The following PDE11A variants were observed in gnomAD, a reference collection of about 807,000 sequenced individuals.
PDE11A encodes the protein dual 3',5'-cyclic-AMP and -GMP phosphodiesterase 11A.
In PDE11A, 100 loss-of-function variants were observed where a neutral mutation model predicts 100.5. The ratio of observed to expected loss-of-function variants is 1.00; its 90% confidence interval spans 0.85 to 1.18. PDE11A has a LOEUF of 1.18. Among genes scored for constraint, PDE11A ranks in the 50% most tolerant of loss-of-function variants. PDE11A has a pLI of 0.00. For synonymous variants in PDE11A, 381 were observed against 420.8 expected (o/e 0.91, Z 1.16); for missense variants, 1,141 against 1,152.6 (o/e 0.99, Z 0.15).
At chr2:178,027,740 G>A (rs2086495671) in intron 1 of PDE11A, among the ~76,000 whole-genome samples, 1 of 152,028 alleles carries the variant, frequency 6.6e-6, no homozygotes, top group African/African-American at 2.4e-5. Context: ...AAAGAACAAA[G>A]AACAGAAGAC....
chr2:177,995,010 A>C (rs1388997533), intron 2 of PDE11A, among the ~76,000 whole-genome samples: 1 of 152,166 alleles, frequency 6.6e-6, no homozygotes, highest in East Asian at 1.9e-4. Context: ...GTAAGGGAAC[A>C]GTCAATTCAG....
intron 10 of PDE11A, among the ~76,000 whole-genome samples, chr2:177,743,922 G>A (rs1271132911): frequency 6.6e-6 from 1 of 152,172 alleles, no homozygotes; most frequent in Non-Finnish European, 1.5e-5. Flanking sequence ...TTGACTGGGT[G>A]AGATAACTTT....
chr2:178,045,205 C>T (rs531123440), intron 1 of PDE11A, among the ~76,000 whole-genome samples: 2 of 152,168 alleles, frequency 1.3e-5, no homozygotes, highest in Non-Finnish European at 2.9e-5. Context: ...AAGTATAAGA[C>T]CTGCATAGAG....
chr2:177,827,838 C>T (rs1458712436), intron 6 of PDE11A, among the ~76,000 whole-genome samples: 3 of 152,134 alleles, frequency 2.0e-5, no homozygotes, highest in Admixed American at 6.5e-5. Flanking sequence ...ATACAAGAGG[C>T]GGTCATCTGC....
chr2:177,917,993 T>C (rs1158725717), intron 2 of PDE11A, among the ~76,000 whole-genome samples: 1 of 152,208 alleles, frequency 6.6e-6, no homozygotes, highest in African/African-American at 2.4e-5. Flanking sequence ...AGCCTTGATA[T>C]AATTCGTAAG....
chr2:177,869,554 A>G (rs1000372323), intron 5 of PDE11A, among the ~76,000 whole-genome samples: 1 of 152,200 alleles, frequency 6.6e-6, no homozygotes, highest in African/African-American at 2.4e-5. Context: ...AAGGGTTCAC[A>G]TGATTACATC....
chr2:177,901,347 T>C (rs1230647447), intron 3 of PDE11A, among the ~76,000 whole-genome samples: 2 of 152,078 alleles, frequency 1.3e-5, no homozygotes, highest in Non-Finnish European at 1.5e-5. Flanking sequence ...CTCACTGGCC[T>C]TCCCCCACCC....
rs568877954 is a variant in PDE11A at position 177,660,841 on chromosome 2, A to C, written c.2646+3025T>G. Among the ~76,000 whole-genome samples the C allele has an allele frequency of 3.9e-4, 60 of 152,362 alleles. No homozygotes were observed. The South Asian group carries it at 0.012, about 31-fold the overall frequency. On this transcript the variant is annotated intron_variant, in intron 19 of 19. Transcript: ENST00000286063. ...ACAACCCTTTTAAAACCATGAAGTA[A>C]AACTGAACTACCCAGTGAAAGTCAA...
intron 1 of PDE11A, among the ~76,000 whole-genome samples, chr2:178,031,857 A>G (rs948658145): frequency 1.4e-4 from 22 of 152,148 alleles, no homozygotes; most frequent in African/African-American, 5.3e-4. Flanking sequence ...GGGCCAGCTG[A>G]AGCCAAGACC....
chr2:178,020,094 G>C (rs2086387666), intron 1 of PDE11A, among the ~76,000 whole-genome samples: 1 of 152,114 alleles, frequency 6.6e-6, no homozygotes. Flanking sequence ...AAAGACTTTA[G>C]TCATTAGTGA....
intron 4 of PDE11A, among the ~76,000 whole-genome samples, chr2:177,879,865 A>G (rs938519707): frequency 2.0e-5 from 3 of 152,218 alleles, no homozygotes; most frequent in African/African-American, 7.2e-5. Context: ...AAAGGAAAAA[A>G]CACTTTTTTC....
chr2:177,868,428 C>G (rs568779069), intron 5 of PDE11A, among the ~76,000 whole-genome samples: 15 of 152,234 alleles, frequency 9.9e-5, no homozygotes, highest in Middle Eastern at 3.4e-3. Context: ...CTGTTGTTGT[C>G]AGCCCACTAA....
chr2:178,037,830 A>G (rs1281713824), intron 1 of PDE11A, among the ~76,000 whole-genome samples: 1 of 152,100 alleles, frequency 6.6e-6, no homozygotes, highest in Non-Finnish European at 1.5e-5. Flanking sequence ...ATGAGAGCAC[A>G]TGGACACAGT....
At chr2:177,777,760 G>A (rs537441580) in intron 9 of PDE11A, among the ~76,000 whole-genome samples, 41 of 152,218 alleles carry the variant, frequency 2.7e-4, no homozygotes, top group Non-Finnish European at 5.1e-4. Context: ...TTACTATAAC[G>A]TACATATCAG....
intron 13 of PDE11A, among the ~76,000 whole-genome samples, chr2:177,701,636 G>T (rs930934490): frequency 6.6e-6 from 1 of 152,210 alleles, no homozygotes; most frequent in African/African-American, 2.4e-5. Flanking sequence ...TTCTGGCTCC[G>T]GGGATCAGGG....
At chr2:177,675,874 A>T in intron 16 of PDE11A, 1 of 383,276 alleles carries the variant, frequency 2.6e-6, no homozygotes, top group Non-Finnish European at 5.0e-6. Flanking sequence ...TAAGCAAGAG[A>T]ATCAGTATAT....
intron 19 of PDE11A, among the ~76,000 whole-genome samples, chr2:177,661,321 A>T (rs979603937): frequency 1.3e-5 from 2 of 152,230 alleles, no homozygotes; most frequent in African/African-American, 2.4e-5. Flanking sequence ...ACTCCTTATG[A>T]TTGCATTTTT....
intron 2 of PDE11A, chr2:177,921,728 G>A (rs2085051892): frequency 6.6e-6 from 1 of 152,112 alleles, no homozygotes; most frequent in Non-Finnish European, 1.5e-5. Context: ...TGCAACCACT[G>A]ACCTTGTATA....
chr2:177,960,565 G>C (rs34206020), intron 2 of PDE11A, among the ~76,000 whole-genome samples: 9,537 of 151,784 alleles, frequency 0.063, 311 homozygotes, highest in South Asian at 0.094. Context: ...TGCCCAGGCT[G>C]CCCACACGAG....
Sources: allele counts gnomAD v4.1 joint callset (sites outside exome capture counted in the v4.1 genomes callset), GRCh38; gene constraint gnomAD v4.1.1; transcripts MANE v1.5; gene names NCBI Gene and HGNC (gene_info 2026-07-23, HGNC 2026-07-21).